Variants in GRIK1 observed in about 807,000 individuals in gnomAD.
GRIK1 encodes glutamate receptor ionotropic, kainate 1.
Under a neutral mutation model 105.7 loss-of-function variants are expected in GRIK1, and 69 were observed. The observed-to-expected ratio is 0.65, with a 90% CI of 0.54 to 0.80. The LOEUF is 0.80. GRIK1 is among the 30% of genes least tolerant of loss of function. GRIK1 has a pLI of 0.00. For missense variants in GRIK1, 1,109 were observed against 1,167.3 expected, an observed-to-expected ratio of 0.95 and a Z score of 0.73; for synonymous variants, 438 against 431.3, an observed-to-expected ratio of 1.02 and a Z score of -0.19.
rs59984949 is a variant in GRIK1 at position 29,654,643 on chromosome 21, G to A, written c.780+167C>T. 1.6e-4 allele frequency among the ~76,000 whole-genome samples: 15 copies of A among 94,296 alleles called. No homozygotes were observed. In the East Asian group the frequency reaches 1.7e-3, roughly 11 times the overall value. 61.9% of individuals were successfully genotyped at this position (94,296 alleles called of 152,430 possible). A position where few individuals can be genotyped will look rare whatever the true frequency, so the allele number is the denominator to read the frequency against. On this transcript the variant is annotated intron_variant, in intron 5 of 17. Coordinates refer to ENST00000327783, the MANE Select transcript of GRIK1 (RefSeq NM_001330994.2). ...AAAGAAAGAAAGAGAAAGAAAGAAA[G>A]AAAAAAAGCCTGCTGCTCAGCATTG...
chr21:29,848,220 A>G (rs542423196), intron 1 of GRIK1, among the ~76,000 whole-genome samples: 1 of 152,246 alleles, frequency 6.6e-6, no homozygotes, highest in South Asian at 2.1e-4. Flanking sequence ...TAGAGATGCT[A>G]AATTCTCTTT....
At chr21:29,758,595 A>T (rs1472458314) in intron 1 of GRIK1, among the ~76,000 whole-genome samples, 2 of 152,176 alleles carry the variant, frequency 1.3e-5, no homozygotes, top group African/African-American at 4.8e-5. Flanking sequence ...TATCACAGGG[A>T]TTATAACAAA....
chr21:29,833,191 T>G (rs1173150724), intron 1 of GRIK1, among the ~76,000 whole-genome samples: 2 of 152,210 alleles, frequency 1.3e-5, no homozygotes, highest in Non-Finnish European at 2.9e-5. Context: ...TAGACTTCAT[T>G]GATGATATTA....
intron 1 of GRIK1, among the ~76,000 whole-genome samples, chr21:29,914,268 C>T (rs1256848176): frequency 6.6e-6 from 1 of 152,020 alleles, no homozygotes; most frequent in African/African-American, 2.4e-5. Flanking sequence ...TTAAGCCAAG[C>T]CTAGTAGCTT....
intron 4 of GRIK1, among the ~76,000 whole-genome samples, chr21:29,671,451 A>G (rs2063159085): frequency 2.0e-5 from 3 of 150,196 alleles, no homozygotes; most frequent in African/African-American, 7.4e-5. Context: ...TAATAGAAAC[A>G]TTTGGTCAAC....
intron 1 of GRIK1, among the ~76,000 whole-genome samples, chr21:29,754,039 T>G (rs1007582817): frequency 1.3e-5 from 2 of 152,164 alleles, no homozygotes; most frequent in African/African-American, 2.4e-5. Context: ...TTACCAAAAC[T>G]GCAGTATGCG....
At chr21:29,660,451 A>G (rs1344427096) in intron 4 of GRIK1, among the ~76,000 whole-genome samples, 2 of 152,172 alleles carry the variant, frequency 1.3e-5, no homozygotes, top group African/African-American at 2.4e-5. Context: ...AGAAGCCTGG[A>G]CCATATTTCA....
At chr21:29,912,547 T>C (rs911954084) in intron 1 of GRIK1, among the ~76,000 whole-genome samples, 2 of 152,108 alleles carry the variant, frequency 1.3e-5, no homozygotes, top group Non-Finnish European at 2.9e-5. Context: ...TGAGCCACTT[T>C]TTGGGTTTCT....
At chr21:29,863,023 A>C (rs76605741) in intron 1 of GRIK1, among the ~76,000 whole-genome samples, 2 of 152,244 alleles carry the variant, frequency 1.3e-5, no homozygotes, top group Non-Finnish European at 2.9e-5. Flanking sequence ...AACTCTTGAC[A>C]GTACCTGTGT....
intron 1 of GRIK1, among the ~76,000 whole-genome samples, chr21:29,733,368 A>G (rs776408690): frequency 2.0e-5 from 3 of 152,158 alleles, no homozygotes; most frequent in Non-Finnish European, 4.4e-5. Flanking sequence ...AATTCTATAT[A>G]GCCAATTGAG....
intron 1 of GRIK1, among the ~76,000 whole-genome samples, chr21:29,812,086 A>G (rs899790905): frequency 2.0e-5 from 3 of 152,064 alleles, no homozygotes; most frequent in East Asian, 1.9e-4. Context: ...ATTGACACCT[A>G]TGTGTGTGTC....
At chr21:29,720,156 C>T (rs1315828565) in intron 1 of GRIK1, among the ~76,000 whole-genome samples, 1 of 152,186 alleles carries the variant, frequency 6.6e-6, no homozygotes, top group Non-Finnish European at 1.5e-5. Context: ...GCTCCACAAT[C>T]CCTGAGTCAC....
At chr21:29,837,381 C>T (rs1267252588) in intron 1 of GRIK1, among the ~76,000 whole-genome samples, 1 of 152,140 alleles carries the variant, frequency 6.6e-6, no homozygotes, top group Non-Finnish European at 1.5e-5. Context: ...GCATCTGATG[C>T]TTCTTAACAT....
intron 1 of GRIK1, among the ~76,000 whole-genome samples, chr21:29,886,304 T>G (rs2069626013): frequency 6.6e-6 from 1 of 152,166 alleles, no homozygotes; most frequent in South Asian, 2.1e-4. Context: ...TTTGCCTCAC[T>G]CCTTTCACCT....
chr21:29,565,210 G>A (rs1245661114), intron 14 of GRIK1, among the ~76,000 whole-genome samples: 2 of 152,186 alleles, frequency 1.3e-5, no homozygotes, highest in African/African-American at 4.8e-5. Context: ...CATAATGGGA[G>A]CAAGAAGAGC....
At chr21:29,714,200 A>T (rs1235934597) in intron 1 of GRIK1, among the ~76,000 whole-genome samples, 1 of 151,552 alleles carries the variant, frequency 6.6e-6, no homozygotes, top group Non-Finnish European at 1.5e-5. Flanking sequence ...TTTTTTTCAG[A>T]CAAGTGGGGT....
intron 15 of GRIK1, among the ~76,000 whole-genome samples, chr21:29,560,511 C>CTTTCTTTCTTTCTTTCTTTCTTT (rs1568815314): frequency 5.0e-5 from 2 of 40,218 alleles, no homozygotes; most frequent in Non-Finnish European, 8.6e-5. Flanking sequence ...TTCCTTCCTT[C>CTTTCTTTCTTTCTTTCTTTCTTT]CTTCCTTCCT....
At chr21:29,895,600 C>T (rs535903439) in intron 1 of GRIK1, among the ~76,000 whole-genome samples, 2 of 152,310 alleles carry the variant, frequency 1.3e-5, no homozygotes, top group South Asian at 2.1e-4. Flanking sequence ...TCCAAGAAAT[C>T]TTGCCACATC....
chr21:29,603,050 G>A (rs1257987489), intron 7 of GRIK1, among the ~76,000 whole-genome samples: 1 of 152,004 alleles, frequency 6.6e-6, no homozygotes, highest in Non-Finnish European at 1.5e-5. Context: ...CCACCAACTG[G>A]CACACCTTTA....
Sources: gnomAD v4.1 joint callset for allele counts (sites outside exome capture counted in the v4.1 genomes callset) on GRCh38, gnomAD v4.1.1 for gene constraint, MANE v1.5 for transcripts, NCBI Gene and HGNC (gene_info 2026-07-23, HGNC 2026-07-21) for gene names.